FAM149B1: variants seen among roughly 807,000 people sequenced by gnomAD.
The protein encoded by FAM149B1 is primary cilium assembly protein FAM149B1.
A neutral mutation model predicts 75.3 loss-of-function variants in FAM149B1; 56 were observed. The observed-to-expected ratio is 0.74, with a 90% confidence interval of 0.60 to 0.93. The LOEUF (loss-of-function observed/expected upper bound fraction) is 0.93, where lower values mean the gene tolerates loss of function less well. FAM149B1 is among the 40% of genes least tolerant of loss of function. The pLI is 0.00. For synonymous variants in FAM149B1, 259 were observed against 256.1 expected (o/e 1.01, Z -0.11); for missense variants, 639 against 708.4 (o/e 0.90, Z 1.11).
intron 12 of FAM149B1, among the ~76,000 whole-genome samples, chr10:73,236,882 A>AT (rs948626765): frequency 2.0e-5 from 3 of 150,762 alleles, no homozygotes; most frequent in Admixed American, 6.6e-5. Flanking sequence ...TGCCCTGCTA[A>AT]TTTTTTTATT....
At chr10:73,213,066 C>T (rs2043222280) in intron 7 of FAM149B1, among the ~76,000 whole-genome samples, 1 of 151,954 alleles carries the variant, frequency 6.6e-6, no homozygotes, top group Non-Finnish European at 1.5e-5. Context: ...GGGCTGGTCT[C>T]AAACTCCTGG....
At chr10:73,199,540 G>GGTT (rs1211800106) in intron 5 of FAM149B1, among the ~76,000 whole-genome samples, 2 of 151,654 alleles carry the variant, frequency 1.3e-5, no homozygotes, top group East Asian at 3.9e-4. Flanking sequence ...CTTTTTATTT[G>GGTT]GTTGTTTGTT....
chr10:73,235,359 G>T (rs2133410351), intron 12 of FAM149B1, 41 bp downstream of exon 12: 1 of 1,549,020 alleles, frequency 6.5e-7, no homozygotes, highest in South Asian at 1.2e-5. Flanking sequence ...GATAGTTGGG[G>T]AAAGAAAAGG....
At chr10:73,179,428 C>G (rs1456557960) in intron 3 of FAM149B1, among the ~76,000 whole-genome samples, 1 of 151,430 alleles carries the variant, frequency 6.6e-6, no homozygotes, top group East Asian at 1.9e-4. Flanking sequence ...TTCTTTCTGT[C>G]TTTTCTTTCT....
intron 6 of FAM149B1, 86 bp from the exon 7 acceptor site, chr10:73,210,165 G>A: frequency 1.2e-6 from 1 of 832,744 alleles, no homozygotes; most frequent in Non-Finnish European, 1.8e-6. Flanking sequence ...AAATCAAAGT[G>A]AATTTTCAGG....
intron 3 of FAM149B1, among the ~76,000 whole-genome samples, chr10:73,180,908 C>A (rs796969541): frequency 2.6e-5 from 4 of 152,164 alleles, no homozygotes; most frequent in African/African-American, 7.2e-5. Flanking sequence ...TCCTCACCCC[C>A]CCACTACCCT....
At position 73,243,071 on chromosome 10, in the gene FAM149B1, G is replaced by A; in HGVS notation, c.*2052G>A. 4.0e-6 allele frequency: 1 copy of A among 250,482 alleles called. No homozygotes were observed. Among genetic ancestry groups the A allele is most frequent in the South Asian group, 5.5e-5 (1 of 18,156 alleles). The allele number at this position is 250,482 out of a possible 1,614,324, so 15.5% of individuals were successfully genotyped here. ...ACAGACACGCACATCGCAGAAAGCAGCATGAACAGAACCACATCCTAGATA... is the reference window on the plus strand; with the variant it reads ...ACAGACACGCACATCGCAGAAAGCAACATGAACAGAACCACATCCTAGATA... On this transcript the variant is annotated 3_prime_UTR_variant, in exon 14 of 14. Transcript: ENST00000242505.
chr10:73,229,871 G>A (rs553386666), intron 8 of FAM149B1, among the ~76,000 whole-genome samples: 1 of 152,282 alleles, frequency 6.6e-6, no homozygotes, highest in South Asian at 2.1e-4. Context: ...AGGGCTCTAG[G>A]GGGGCAATGC....
chr10:73,238,390 T>C (rs535782370), intron 12 of FAM149B1, among the ~76,000 whole-genome samples: 3 of 152,352 alleles, frequency 2.0e-5, no homozygotes, highest in South Asian at 4.1e-4. Flanking sequence ...GGCCTGGCAC[T>C]ACAGACTAGC....
intron 1 of FAM149B1, among the ~76,000 whole-genome samples, chr10:73,169,947 A>G (rs1331506967): frequency 6.6e-6 from 1 of 151,926 alleles, no homozygotes; most frequent in Admixed American, 6.6e-5. Context: ...TAGCAACCAT[A>G]AATTTATTAA....
At chr10:73,225,194 A>C (rs943306719) in intron 7 of FAM149B1, among the ~76,000 whole-genome samples, 12 of 152,226 alleles carry the variant, frequency 7.9e-5, no homozygotes, top group African/African-American at 2.9e-4. Flanking sequence ...TTATCATTAG[A>C]GTGTTCTCCT....
intron 9 of FAM149B1, 97 bp downstream of exon 9, chr10:73,230,622 A>G (rs2043668986): frequency 1.5e-6 from 1 of 680,312 alleles, no homozygotes. Flanking sequence ...GTGCCAACCA[A>G]GCAACCACAA....
chr10:73,184,347 A>G (rs996921813), intron 3 of FAM149B1, among the ~76,000 whole-genome samples: 9 of 152,190 alleles, frequency 5.9e-5, no homozygotes, highest in Non-Finnish European at 1.2e-4. Context: ...AAAATGACTG[A>G]ATGGAAAGGA....
chr10:73,236,611 G>A (rs1229365201), intron 12 of FAM149B1, among the ~76,000 whole-genome samples: 1 of 151,440 alleles, frequency 6.6e-6, no homozygotes, highest in African/African-American at 2.4e-5. Flanking sequence ...ATGGGGTTTT[G>A]CCATCTTGGC....
chr10:73,244,000 C>A lies in FAM149B1; in HGVS notation c.*2981C>A. 3 of 1,245,140 alleles carry A rather than the reference C, an allele frequency of 2.4e-6. No individual in the cohort carries two copies. In the South Asian group the frequency reaches 3.8e-5, roughly 16 times the overall value. 77.1% of individuals were successfully genotyped at this position (1,245,140 alleles called of 1,614,324 possible). ...TAAAATACATACTCTTTCCCAAAAG[C>A]AAATCTATAATTCTGTTTCAATTTT... On this transcript the variant is annotated 3_prime_UTR_variant, in exon 14 of 14. Coordinates refer to ENST00000242505, the MANE Select transcript of FAM149B1 (RefSeq NM_173348.2).
chr10:73,214,800 A>C (rs1309793727), intron 7 of FAM149B1, among the ~76,000 whole-genome samples: 1 of 149,170 alleles, frequency 6.7e-6, no homozygotes, highest in Non-Finnish European at 1.5e-5. Flanking sequence ...TCAGAGTTAT[A>C]CTGGCCTCAT....
At position 73,241,213 on chromosome 10, in the gene FAM149B1, A is replaced by G. The variant is rs2043945807; in HGVS notation, c.*194A>G. On this transcript the variant is annotated 3_prime_UTR_variant, in exon 14 of 14. Coordinates refer to ENST00000242505, the MANE Select transcript of FAM149B1 (RefSeq NM_173348.2). Reference sequence around the variant, plus strand: ...TGACATGAGTGTTGTTTCTATCTCCAGTTACTGTCTCTTTCAGCAGAAATT... The same window carrying G: ...TGACATGAGTGTTGTTTCTATCTCCGGTTACTGTCTCTTTCAGCAGAAATT... 1.1e-5 allele frequency: 6 copies of G among 550,838 alleles called. No individual in the cohort carries two copies. In the Admixed American group the frequency reaches 1.5e-4, roughly 14 times the overall value. 34.1% of individuals were successfully genotyped at this position (550,838 alleles called of 1,614,324 possible).
chr10:73,191,292 C>T (rs546366184), intron 3 of FAM149B1, among the ~76,000 whole-genome samples: 6 of 150,436 alleles, frequency 4.0e-5, no homozygotes, highest in Admixed American at 4.0e-4. Flanking sequence ...CCGCCTCGGC[C>T]TCCCAAATTG....
rs892314739 is a variant in FAM149B1 at position 73,192,588 on chromosome 10, G to A, written c.315G>A (p.Gln105=). 4 of 1,551,510 alleles carry A rather than the reference G, an allele frequency of 2.6e-6. No homozygotes were observed. Among genetic ancestry groups the A allele is most frequent in the Non-Finnish European group, 3.5e-6 (4 of 1,146,958 alleles). ...ELDQNATEKV[Q]TMFTAIDELL... ...ATCAAAATGCCACTGAAAAAGTCCA[G>A]ACAATGTTCACAGCCATTGATGAAC... The change falls in exon 4 of 14, where the codon CAG becomes CAA. Residue 105 remains glutamine (Q), a synonymous_variant. Coordinates refer to ENST00000242505, the MANE Select transcript of FAM149B1 (RefSeq NM_173348.2).
Sources: gnomAD v4.1 joint callset for allele counts (sites outside exome capture counted in the v4.1 genomes callset) on GRCh38, gnomAD v4.1.1 for gene constraint, MANE v1.5 for transcripts, NCBI Gene and HGNC (gene_info 2026-07-23, HGNC 2026-07-21) for gene names.